The following SLC25A27 variants were observed in gnomAD, a reference collection of about 807,000 sequenced individuals.
SLC25A27 encodes the protein mitochondrial uncoupling protein 4.
SLC25A27 carries 35 observed loss-of-function variants against 49.1 expected under a neutral mutation model. The ratio of observed to expected loss-of-function variants is 0.71; its 90% CI spans 0.54 to 0.95. The LOEUF (loss-of-function observed/expected upper bound fraction) is 0.95, where lower values mean the gene tolerates loss of function less well. Among genes scored for constraint, SLC25A27 ranks in the 40% least tolerant of loss-of-function variants. The pLI is 0.00. For synonymous variants in SLC25A27, 144 were observed against 136.9 expected, an observed-to-expected ratio of 1.05 and a Z score of -0.36; for missense variants, 339 against 397.1, an observed-to-expected ratio of 0.85 and a Z score of 1.24.
At position 46,658,991 on chromosome 6, in the gene SLC25A27, G is replaced by T; in HGVS notation, c.328G>T (p.Glu110Ter). 6.2e-7 allele frequency: 1 copy of T among 1,613,788 alleles called. No individual in the cohort carries two copies. Among genetic ancestry groups the T allele is most frequent in the South Asian group, 1.1e-5 (1 of 91,028 alleles). ...TTCTGGAGGTCGAATGGTCACATAT[G>T]AACATCTCCGAGAGGTTGTGTTTGG... ...VYSGGRMVTY[E>*]HLREVVFGKS... Residue 110 changes from glutamate (E) to a stop codon, truncating the protein, a stop_gained, in exon 3 of 9, where the codon GAA becomes TAA. Coordinates refer to ENST00000371347, the MANE Select transcript of SLC25A27 (RefSeq NM_004277.5). LOFTEE classifies it high-confidence loss of function.
Position 46,676,964 on chromosome 6 carries a change from G to A in SLC25A27, c.*510G>A, listed in dbSNP as rs140524072. ...AAAGCGTACATACTGTAAATTAAAG[G>A]GAGGTGAATGGAAATTAATGAATAA... On this transcript the variant is annotated 3_prime_UTR_variant, in exon 9 of 9. Transcript: ENST00000371347. The A allele has an allele frequency of 5.3e-3, 1,816 of 343,624 alleles. 10 individuals are homozygous for A. The highest frequency in any genetic ancestry group is 0.017 in the South Asian group (145 of 8,470). 21.3% of individuals were successfully genotyped at this position (343,624 alleles called of 1,614,324 possible). A position where few individuals can be genotyped will look rare whatever the true frequency, so the allele number is the denominator to read the frequency against.
chr6:46,656,650 C>G (rs1762990353), intron 2 of SLC25A27, among the ~76,000 whole-genome samples: 1 of 152,148 alleles, frequency 6.6e-6, no homozygotes, highest in Admixed American at 6.5e-5. Flanking sequence ...AACTCCTGAC[C>G]TCAGGTGATC....
At chr6:46,654,314 A>G (rs889001183) in intron 1 of SLC25A27, among the ~76,000 whole-genome samples, 3 of 152,212 alleles carry the variant, frequency 2.0e-5, no homozygotes, top group African/African-American at 7.2e-5. Flanking sequence ...ATAGCCAGCC[A>G]TGATCAGTTG....
At chr6:46,664,987 T>G in intron 5 of SLC25A27, 101 bp downstream of exon 5, 1 of 544,270 alleles carries the variant, frequency 1.8e-6, no homozygotes, top group Non-Finnish European at 3.2e-6. Context: ...TTTTAATATA[T>G]TGGTGACCAT....
chr6:46,662,991 G>A (rs569309285), intron 4 of SLC25A27, among the ~76,000 whole-genome samples: 53 of 152,194 alleles, frequency 3.5e-4, no homozygotes, highest in African/African-American at 1.0e-3. Context: ...CAAGGATAAC[G>A]TTGCATATTG....
In SLC25A27 at chr6:46,676,830, A is replaced by G. The variant is rs945544977; in HGVS notation, c.*376A>G. Reference sequence around the variant, plus strand: ...GGAGCCAGCATTTCAGATCTGAAGTAGACGATAGGAATGTGGAAGAACACA... The same window carrying G: ...GGAGCCAGCATTTCAGATCTGAAGTGGACGATAGGAATGTGGAAGAACACA... On this transcript the variant is annotated 3_prime_UTR_variant, in exon 9 of 9. Coordinates refer to ENST00000371347, the MANE Select transcript of SLC25A27 (RefSeq NM_004277.5). The G allele has an allele frequency of 1.4e-5, 10 of 696,324 alleles. No individual in the cohort carries two copies. Among genetic ancestry groups the G allele is most frequent in the Non-Finnish European group, 2.5e-5 (10 of 394,568 alleles). 43.1% of individuals were successfully genotyped at this position (696,324 alleles called of 1,614,324 possible). A position where few individuals can be genotyped will look rare whatever the true frequency, so the allele number is the denominator to read the frequency against.
intron 2 of SLC25A27, chr6:46,658,360 G>A: frequency 4.7e-6 from 1 of 214,440 alleles, no homozygotes. Context: ...TTTCTGCTTT[G>A]CATCCCATTA....
chr6:46,655,545 T>TG, intron 1 of SLC25A27, among the ~76,000 whole-genome samples: 1 of 30,530 alleles, frequency 3.3e-5, no homozygotes, highest in Non-Finnish European at 6.5e-5. Flanking sequence ...GTTTTTTTTT[T>TG]TTTTTTTTTT....
intron 6 of SLC25A27, among the ~76,000 whole-genome samples, chr6:46,669,052 T>G (rs1430574305): frequency 1.3e-5 from 2 of 152,222 alleles, no homozygotes; most frequent in Admixed American, 1.3e-4. Flanking sequence ...CAGGCTATGA[T>G]GATGGACTCT....
At chr6:46,655,426 A>C (rs1197254940) in intron 1 of SLC25A27, among the ~76,000 whole-genome samples, 1 of 152,064 alleles carries the variant, frequency 6.6e-6, no homozygotes, top group African/African-American at 2.4e-5. Flanking sequence ...TGGTACTTTA[A>C]ATTATTTCCC....
chr6:46,656,107 C>T, intron 2 of SLC25A27, 73 bp downstream of exon 2: 1 of 1,292,830 alleles, frequency 7.7e-7, no homozygotes, highest in East Asian at 2.5e-5. Context: ...TCTGTTTGTC[C>T]AAAAACAAGT....
At chr6:46,661,142 G>C (rs761355883) in intron 3 of SLC25A27, among the ~76,000 whole-genome samples, 1 of 152,298 alleles carries the variant, frequency 6.6e-6, no homozygotes, top group Non-Finnish European at 1.5e-5. Flanking sequence ...ACAGAGAAAA[G>C]AGTGGTTATG....
Position 46,677,817 on chromosome 6 carries a change from A to T in SLC25A27, c.*1363A>T, listed in dbSNP as rs1763850769. On this transcript the variant is annotated 3_prime_UTR_variant, in exon 9 of 9. Transcript: ENST00000371347. Reference sequence around the variant, plus strand: ...GACATGGATGATGTTGAACAGAAAAAAGTTTACAAGTGCTTTGTGGTTGCA... The same window carrying T: ...GACATGGATGATGTTGAACAGAAAATAGTTTACAAGTGCTTTGTGGTTGCA... 6.6e-6 allele frequency: 1 copy of T among 152,476 alleles called. No homozygotes were observed. Among genetic ancestry groups the T allele is most frequent in the African/African-American group, 2.4e-5 (1 of 41,390 alleles). The allele number at this position is 152,476 out of a possible 1,614,324, so 9.4% of individuals were successfully genotyped here.
intron 1 of SLC25A27, among the ~76,000 whole-genome samples, chr6:46,654,498 T>G (rs958138045): frequency 8.5e-5 from 13 of 152,232 alleles, no homozygotes; most frequent in Non-Finnish European, 1.3e-4. Flanking sequence ...TTTTAATTGA[T>G]GTGTCCCCCT....
At chr6:46,656,795 G>C (rs556457614) in intron 2 of SLC25A27, among the ~76,000 whole-genome samples, 17 of 152,306 alleles carry the variant, frequency 1.1e-4, no homozygotes, top group African/African-American at 4.1e-4. Flanking sequence ...TAAATTTTTA[G>C]AAACGCATAC....
rs141842062 is a variant in SLC25A27, at chr6:46,668,371, G to T, written c.620-338G>T. Among the ~76,000 whole-genome samples, 369 of 152,206 alleles carry T rather than the reference G, an allele frequency of 2.4e-3. 2 individuals carry two copies. The highest frequency in any genetic ancestry group is 8.6e-3 in the African/African-American group (357 of 41,528). Reference sequence around the variant, plus strand: ...AATGCTTAATGTAGAATAATAGTCAGGACCTTTTATTTATAAGTGACAGGA... The same window carrying T: ...AATGCTTAATGTAGAATAATAGTCATGACCTTTTATTTATAAGTGACAGGA... On this transcript the variant is annotated intron_variant, in intron 5 of 8. Transcript: ENST00000371347.
At chr6:46,655,557 T>A (rs1762951202) in intron 1 of SLC25A27, among the ~76,000 whole-genome samples, 1 of 43,310 alleles carries the variant, frequency 2.3e-5, no homozygotes. Flanking sequence ...TTTTTTTTTT[T>A]TTTTTTTTTT....
chr6:46,678,030 TTATATATATATATATATATA>T lies in SLC25A27; in HGVS notation c.*1592_*1611del, dbSNP rs67622673. On this transcript the variant is annotated 3_prime_UTR_variant, in exon 9 of 9. Coordinates refer to ENST00000371347, the MANE Select transcript of SLC25A27 (RefSeq NM_004277.5). ...CAATATGTAATTGCGTTGTAAAATA[TTATATATATATATATATATA>T]TATATATATATATATGCTTAACTTC... is the stretch of plus-strand genomic sequence containing the variant. The T allele has an allele frequency of 1.4e-4, 14 of 100,666 alleles. 2 individuals are homozygous for T. The highest frequency in any genetic ancestry group is 5.2e-4 in the South Asian group (2 of 3,870). The allele number at this position is 100,666 out of a possible 1,614,324, so 6.2% of individuals were successfully genotyped here. A position where few individuals can be genotyped will look rare whatever the true frequency, so the allele number is the denominator to read the frequency against.
At chr6:46,653,452 G>T (rs775807235) in intron 1 of SLC25A27, 154 bp downstream of exon 1, 2 of 985,414 alleles carry the variant, frequency 2.0e-6, no homozygotes, top group Non-Finnish European at 2.4e-6. Context: ...CCAGGCCCGC[G>T]GTGGGAGGAG....
Sources: gnomAD v4.1 joint callset for allele counts (sites outside exome capture counted in the v4.1 genomes callset) on GRCh38, gnomAD v4.1.1 for gene constraint, MANE v1.5 for transcripts, NCBI Gene and HGNC (gene_info 2026-07-23, HGNC 2026-07-21) for gene names.